The following IGF1R variants were observed in gnomAD, a reference collection of about 807,000 sequenced individuals.
IGF1R encodes insulin-like growth factor 1 receptor.
A neutral mutation model predicts 144.6 loss-of-function variants in IGF1R; 44 were observed. The observed-to-expected ratio is 0.30, with a 90% CI of 0.24 to 0.39. IGF1R has a LOEUF of 0.39. Ranked by LOEUF, IGF1R falls within the 10% of genes least tolerant of loss-of-function variation. IGF1R has a pLI of 1.00. For missense variants in IGF1R, 1,355 were observed against 1,833.7 expected (o/e 0.74, Z 4.77); for synonymous variants, 795 against 722.8 (o/e 1.10, Z -1.60).
Position 98,938,891 on chromosome 15 carries a change from A to G in IGF1R, c.3298-310A>G, listed in dbSNP as rs188383486. Among the ~76,000 whole-genome samples, 11 of 152,318 alleles carry G rather than the reference A, an allele frequency of 7.2e-5. No individual in the cohort carries two copies. The East Asian group carries it at 2.1e-3, about 29-fold the overall frequency. ...TAACTGAGAATCCTTACTACCAAAA[A>G]TGGCTTGTTTCACTTTAAAAAAATG... On this transcript the variant is annotated intron_variant, in intron 17 of 20. Coordinates refer to ENST00000650285, the MANE Select transcript of IGF1R (RefSeq NM_000875.5).
intron 2 of IGF1R, among the ~76,000 whole-genome samples, chr15:98,799,326 T>G (rs1270557396): frequency 6.6e-6 from 1 of 151,204 alleles, no homozygotes; most frequent in Non-Finnish European, 1.5e-5. Flanking sequence ...GGTTTCTTTG[T>G]AAGAGCTTTC....
At chr15:98,744,962 CCT>C (rs1397098648) in intron 2 of IGF1R, among the ~76,000 whole-genome samples, 2 of 152,146 alleles carry the variant, frequency 1.3e-5, no homozygotes, top group African/African-American at 4.8e-5. Context: ...TGTTCTGCTG[CCT>C]CTGAGAGGAG....
At chr15:98,940,223 G>T (rs2016314858) in intron 18 of IGF1R, among the ~76,000 whole-genome samples, 1 of 152,232 alleles carries the variant, frequency 6.6e-6, no homozygotes, top group African/African-American at 2.4e-5. Context: ...TTTATCCTGA[G>T]AAACTGCAGG....
chr15:98,800,690 G>A (rs1010533613), intron 2 of IGF1R, among the ~76,000 whole-genome samples: 7 of 152,094 alleles, frequency 4.6e-5, no homozygotes, highest in Admixed American at 1.3e-4. Flanking sequence ...AAGGGGAGGC[G>A]AACTTGGTGT....
chr15:98,753,919 TTGCAGGAATTTTCTG>T lies in IGF1R; in HGVS notation c.640+45816_640+45830del, dbSNP rs1439041591. 2.0e-5 allele frequency among the ~76,000 whole-genome samples: 3 copies of T among 152,306 alleles called. No homozygotes were observed. The East Asian group carries it at 5.8e-4, about 29-fold the overall frequency. Reference sequence around the variant, plus strand: ...CCTTTTCACTCTTGAAAAGTCTTTGTTGCAGGAATTTTCTGTGCCCTCCCTCCTCTGGGACAGATC... The same window carrying T: ...CCTTTTCACTCTTGAAAAGTCTTTGTTGCCCTCCCTCCTCTGGGACAGATC... On this transcript the variant is annotated intron_variant, in intron 2 of 20. Transcript: ENST00000650285.
chr15:98,695,515 C>T (rs1272704259), intron 1 of IGF1R, among the ~76,000 whole-genome samples: 1 of 152,240 alleles, frequency 6.6e-6, no homozygotes, highest in African/African-American at 2.4e-5. Context: ...AGCCCCAGCT[C>T]TGCTCCCTAA....
chr15:98,806,605 A>G (rs900103642), intron 2 of IGF1R, among the ~76,000 whole-genome samples: 4 of 152,252 alleles, frequency 2.6e-5, no homozygotes, highest in African/African-American at 9.6e-5. Flanking sequence ...GCCTAAGGAA[A>G]TTATCTCACA....
At chr15:98,713,324 C>G (rs567638475) in intron 2 of IGF1R, among the ~76,000 whole-genome samples, 1 of 152,292 alleles carries the variant, frequency 6.6e-6, no homozygotes, top group East Asian at 1.9e-4. Context: ...GATACATTTT[C>G]CCCTTGAGCA....
intron 2 of IGF1R, among the ~76,000 whole-genome samples, chr15:98,760,566 G>T (rs2055270308): frequency 6.6e-6 from 1 of 152,208 alleles, no homozygotes; most frequent in African/African-American, 2.4e-5. Flanking sequence ...GGGTACTTGT[G>T]TGTCTCCAGC....
chr15:98,925,390 AACTT>A (rs1379384470), intron 13 of IGF1R, among the ~76,000 whole-genome samples: 1 of 152,152 alleles, frequency 6.6e-6, no homozygotes, highest in Non-Finnish European at 1.5e-5. Context: ...TGACCAACAA[AACTT>A]AGTATTTTGG....
chr15:98,712,967 C>G (rs909002226), intron 2 of IGF1R, among the ~76,000 whole-genome samples: 4 of 150,346 alleles, frequency 2.7e-5, no homozygotes, highest in South Asian at 4.3e-4. Context: ...TAGCAAGTCC[C>G]TATAGGATAG....
chr15:98,911,903 T>C (rs1464230934), intron 7 of IGF1R, among the ~76,000 whole-genome samples: 1 of 152,188 alleles, frequency 6.6e-6, no homozygotes, highest in Non-Finnish European at 1.5e-5. Context: ...TCTCCCAAGC[T>C]GTGGCCCTCT....
At chr15:98,912,718 A>G (rs955143790) in intron 7 of IGF1R, among the ~76,000 whole-genome samples, 1 of 150,972 alleles carries the variant, frequency 6.6e-6, no homozygotes, top group Non-Finnish European at 1.5e-5. Flanking sequence ...TTAACTGACT[A>G]TGCTTGTTTT....
rs1311901374 is a variant in IGF1R, at chr15:98,695,069, A to AT, written c.95-12485dup. Among the ~76,000 whole-genome samples, 5 of 151,952 alleles carry AT rather than the reference A, an allele frequency of 3.3e-5. No homozygotes were observed. The South Asian group carries it at 6.2e-4, about 19-fold the overall frequency. On this transcript the variant is annotated intron_variant, in intron 1 of 20. Transcript: ENST00000650285. Reference sequence around the variant, plus strand: ...GGGTTAGATTGTGTTTTCTGTCTTTATTTTTTTTCCTGCCTCTATGGGTTG... The same window carrying AT: ...GGGTTAGATTGTGTTTTCTGTCTTTATTTTTTTTTCCTGCCTCTATGGGTTG...
chr15:98,812,893 T>C (rs374977477), intron 2 of IGF1R, among the ~76,000 whole-genome samples: 1 of 152,160 alleles, frequency 6.6e-6, no homozygotes, highest in South Asian at 2.1e-4. Flanking sequence ...TGCTGTGAAA[T>C]GTACTGTTGT....
At chr15:98,665,796 G>C (rs1030627613) in intron 1 of IGF1R, among the ~76,000 whole-genome samples, 1 of 152,226 alleles carries the variant, frequency 6.6e-6, no homozygotes, top group Non-Finnish European at 1.5e-5. Context: ...GCAGTGTGTT[G>C]CCTGATGCAG....
At chr15:98,673,783 AAT>A (rs745820057) in intron 1 of IGF1R, among the ~76,000 whole-genome samples, 4 of 152,186 alleles carry the variant, frequency 2.6e-5, no homozygotes, top group Non-Finnish European at 4.4e-5. Flanking sequence ...CATTCTGCAA[AAT>A]AGTTATTGTG....
intron 2 of IGF1R, among the ~76,000 whole-genome samples, chr15:98,714,327 A>T (rs2054065433): frequency 6.6e-6 from 1 of 152,128 alleles, no homozygotes; most frequent in African/African-American, 2.4e-5. Flanking sequence ...TGCTAGATCA[A>T]AGTGGAGGAC....
chr15:98,936,975 A>G (rs936750344), intron 17 of IGF1R, among the ~76,000 whole-genome samples: 3 of 152,102 alleles, frequency 2.0e-5, no homozygotes, highest in Non-Finnish European at 4.4e-5. Flanking sequence ...AACCTCCACC[A>G]CCTGGGTTCA....
Sources: allele counts gnomAD v4.1 joint callset (sites outside exome capture counted in the v4.1 genomes callset), GRCh38; gene constraint gnomAD v4.1.1; transcripts MANE v1.5; gene names NCBI Gene and HGNC (gene_info 2026-07-23, HGNC 2026-07-21).